EFNB1: variants seen among roughly 807,000 people sequenced by gnomAD.
EFNB1 encodes ephrin B1.
EFNB1 carries 1 observed loss-of-function variant against 18.1 expected under a neutral mutation model. The observed-to-expected ratio is 0.06, with a 90% CI of 0.02 to 0.26. The LOEUF (loss-of-function observed/expected upper bound fraction) is 0.26. Ranked by LOEUF, EFNB1 falls within the 10% of genes least tolerant of loss-of-function variation. EFNB1 has a pLI of 1.00. For missense variants in EFNB1, 221 were observed against 301.8 expected (o/e 0.73, Z 1.98); for synonymous variants, 131 against 127.5 (o/e 1.03, Z -0.19).
At chrX:68,830,991 T>C (rs1250621300) in intron 1 of EFNB1, among the ~76,000 whole-genome samples, 2 of 111,370 alleles carry the variant, frequency 1.8e-5, no homozygotes, top group African/African-American at 6.6e-5. Context: ...ACCTTCTCTT[T>C]TGGCATCCAG....
Position 68,841,010 on chromosome X carries a change from A to G in EFNB1, c.*356A>G, listed in dbSNP as rs930120978. Reference sequence around the variant, plus strand: ...ACCTTCCCAGGACTGCTTGTCCGCTATCATCACTGTTTTTAATGCTTTTGT... The same window carrying G: ...ACCTTCCCAGGACTGCTTGTCCGCTGTCATCACTGTTTTTAATGCTTTTGT... On this transcript the variant is annotated 3_prime_UTR_variant, in exon 5 of 5. Transcript: ENST00000204961. 32 of 266,542 alleles carry G rather than the reference A, an allele frequency of 1.2e-4. No homozygotes were observed. Among genetic ancestry groups the G allele is most frequent in the African/African-American group, 7.0e-4 (26 of 36,968 alleles). 22.0% of individuals were successfully genotyped at this position (266,542 alleles called of 1,213,427 possible). A position where few individuals can be genotyped will look rare whatever the true frequency, so the allele number is the denominator to read the frequency against.
At chrX:68,835,424 C>T (rs1352564108) in intron 1 of EFNB1, among the ~76,000 whole-genome samples, 2 of 111,721 alleles carry the variant, frequency 1.8e-5, no homozygotes, top group Non-Finnish European at 3.8e-5. Flanking sequence ...TCTTCCCTTA[C>T]TCCTACTCCT....
Position 68,829,487 on chromosome X carries a change from G to C in EFNB1, c.-290G>C, listed in dbSNP as rs1441305661. The C allele has an allele frequency of 2.8e-6, 1 of 359,368 alleles. No homozygotes were observed. Among genetic ancestry groups the C allele is most frequent in the African/African-American group, 2.7e-5 (1 of 37,283 alleles). 29.6% of individuals were successfully genotyped at this position (359,368 alleles called of 1,213,427 possible). A position where few individuals can be genotyped will look rare whatever the true frequency, so the allele number is the denominator to read the frequency against. On this transcript the variant is annotated 5_prime_UTR_variant, in exon 1 of 5. Coordinates refer to ENST00000204961, the MANE Select transcript of EFNB1 (RefSeq NM_004429.5). ...GAGCGGAATCGGGCGGGATCACCCG[G>C]GGGCGCAGAGCCCCCGTCGCGCCTC...
intron 1 of EFNB1, 87 bp downstream of exon 1, chrX:68,829,991 C>A: frequency 9.1e-7 from 1 of 1,104,777 alleles, no homozygotes; most frequent in Non-Finnish European, 1.2e-6. Flanking sequence ...GTGGGGAGGT[C>A]TTCGGAGGAG....
At chrX:68,834,620 C>G (rs1034954591) in intron 1 of EFNB1, among the ~76,000 whole-genome samples, 2 of 113,180 alleles carry the variant, frequency 1.8e-5, no homozygotes, top group African/African-American at 6.4e-5. Flanking sequence ...GCTCCCCACC[C>G]TAGCTGGGAT....
At chrX:68,836,155 A>G (rs900504008) in intron 1 of EFNB1, among the ~76,000 whole-genome samples, 1 of 111,701 alleles carries the variant, frequency 9.0e-6, no homozygotes, top group African/African-American at 3.3e-5. Flanking sequence ...CTGATCATTC[A>G]TTCCCTCACA....
rs1014489819 is a variant in EFNB1 at position 68,832,243 on chromosome X, G to A, written c.128+2339G>A. On this transcript the variant is annotated intron_variant, in intron 1 of 4. Transcript: ENST00000204961. ...CAGTTCGCCCTCTCATACCCTCCGC[G>A]AGCAGCGCTCACTTCCCCTCTCCAG... Among the ~76,000 whole-genome samples the A allele has an allele frequency of 1.4e-4, 16 of 110,675 alleles. No homozygotes were observed. The Admixed American group carries it at 1.5e-3, about 11-fold the overall frequency.
At chrX:68,832,843 T>A (rs1203152999) in intron 1 of EFNB1, among the ~76,000 whole-genome samples, 1 of 109,827 alleles carries the variant, frequency 9.1e-6, no homozygotes, top group African/African-American at 3.3e-5. Flanking sequence ...TGTGTGTGTC[T>A]GAGTTGGGGG....
rs754924952 is a variant in EFNB1 at position 68,838,767 on chromosome X, C to T, written c.279C>T (p.Leu93=). 1.2e-5 allele frequency: 15 copies of T among 1,210,490 alleles called. No individual in the cohort carries two copies. In the South Asian group the frequency reaches 1.9e-4, roughly 16 times the overall value. The change falls in exon 2 of 5, where the codon CTC becomes CTT. Residue 93 remains leucine (L), a synonymous_variant. Transcript: ENST00000204961. ...AGGCAGCTGCCTGTAGCACAGTTCT[C>T]GACCCCAACGTGTTGGTCACCTGCA... ...PEQAAACSTV[L]DPNVLVTCNR...
chrX:68,836,023 A>T (rs752728002), intron 1 of EFNB1, among the ~76,000 whole-genome samples: 89 of 111,683 alleles, frequency 8.0e-4, no homozygotes, highest in African/African-American at 2.8e-3. Flanking sequence ...ATGTAGCTGC[A>T]TATATATGTG....
chrX:68,838,354 G>A, intron 1 of EFNB1, among the ~76,000 whole-genome samples: 1 of 111,605 alleles, frequency 9.0e-6, no homozygotes, highest in Non-Finnish European at 1.9e-5. Flanking sequence ...TTAGGACAAA[G>A]GGCTCCCCCA....
chrX:68,836,985 C>T (rs2080462263), intron 1 of EFNB1, among the ~76,000 whole-genome samples: 1 of 111,495 alleles, frequency 9.0e-6, no homozygotes, highest in South Asian at 3.8e-4. Context: ...ACTTCTTATT[C>T]CTCACCTAAG....
intron 1 of EFNB1, among the ~76,000 whole-genome samples, chrX:68,832,368 GCT>G (rs2147974198): frequency 9.1e-6 from 1 of 110,357 alleles, no homozygotes; most frequent in African/African-American, 3.3e-5. Context: ...ACATGCCCGT[GCT>G]CTCCCTCTCA....
At chrX:68,833,928 A>C (rs1410270699) in intron 1 of EFNB1, among the ~76,000 whole-genome samples, 1 of 112,567 alleles carries the variant, frequency 8.9e-6, no homozygotes, top group East Asian at 2.8e-4. Context: ...TGCCCGGACA[A>C]GGGAAGTGAC....
intron 1 of EFNB1, among the ~76,000 whole-genome samples, chrX:68,834,024 G>A (rs1189230205): frequency 1.8e-5 from 2 of 112,362 alleles, no homozygotes; most frequent in African/African-American, 6.5e-5. Flanking sequence ...ATGTAGGAGA[G>A]ACAGGAATTC....
intron 1 of EFNB1, among the ~76,000 whole-genome samples, chrX:68,837,551 A>G (rs2080463801): frequency 8.9e-6 from 1 of 112,386 alleles, no homozygotes; most frequent in African/African-American, 3.2e-5. Flanking sequence ...GCACCAGCCC[A>G]TCCAGTCTCA....
chrX:68,830,634 C>T (rs1321414337), intron 1 of EFNB1, among the ~76,000 whole-genome samples: 1 of 111,986 alleles, frequency 8.9e-6, no homozygotes, highest in African/African-American at 3.2e-5. Context: ...CCAATGGAGC[C>T]GGTAACAGAG....
At chrX:68,830,047 C>G in intron 1 of EFNB1, 143 bp downstream of exon 1, 11 of 527,786 alleles carry the variant, frequency 2.1e-5, no homozygotes, top group East Asian at 1.7e-4. Flanking sequence ...TGTTTTCCTG[C>G]GGGCGGGCGG....
At position 68,840,098 on chromosome X, in the gene EFNB1, T is replaced by G; in HGVS notation, c.628+10T>G. 8.3e-7 allele frequency: 1 copy of G among 1,211,840 alleles called. No individual in the cohort carries two copies. The highest frequency in any genetic ancestry group is 1.1e-6 in the Non-Finnish European group (1 of 895,527). ...TCTGATGGCAAGCATGGTAAGTGTATGTGTTTCCCAGAGGTCAGGAGCCAT... is the reference window on the plus strand; with the variant it reads ...TCTGATGGCAAGCATGGTAAGTGTAGGTGTTTCCCAGAGGTCAGGAGCCAT... On this transcript the variant is annotated intron_variant, in intron 4 of 4. Transcript: ENST00000204961.
Sources: gnomAD v4.1 joint callset for allele counts (sites outside exome capture counted in the v4.1 genomes callset) on GRCh38, gnomAD v4.1.1 for gene constraint, MANE v1.5 for transcripts, NCBI Gene and HGNC (gene_info 2026-07-23, HGNC 2026-07-21) for gene names.